The following PSD4 variants were observed in gnomAD, a reference collection of about 807,000 sequenced individuals.
PSD4 encodes the protein pleckstrin and Sec7 domain containing 4.
In PSD4, 59 loss-of-function variants were observed where a neutral mutation model predicts 112.5. That is an observed-to-expected ratio of 0.52 (90% CI 0.43 to 0.65). The LOEUF is 0.65. Among genes scored for constraint, PSD4 ranks in the 30% least tolerant of loss-of-function variants. PSD4 has a pLI of 0.00. For synonymous variants in PSD4, 533 were observed against 540.0 expected (o/e 0.99, Z 0.18); for missense variants, 1,267 against 1,352.6 (o/e 0.94, Z 0.99).
At position 113,184,990 on chromosome 2, in the gene PSD4, C is replaced by A; in HGVS notation, c.1090C>A (p.Pro364Thr). Residue 364 changes from proline to threonine, a missense_variant, in exon 3 of 17, where the codon CCG becomes ACG. Transcript: ENST00000245796. ...GCTTGGTCCTGCTCCATCTGCAGCA[C>A]CGTGTGTGGACGAAGCATTGACCTG... ...DRLGPAPSAA[P>T]CVDEALTWES... 1 of 1,614,240 alleles carries A rather than the reference C, an allele frequency of 6.2e-7. No homozygotes were observed. The highest frequency in any genetic ancestry group is 1.3e-5 in the African/African-American group (1 of 75,066).
intron 13 of PSD4, 48 bp downstream of exon 13, chr2:113,197,682 C>T: frequency 2.5e-6 from 4 of 1,613,092 alleles, no homozygotes; most frequent in Non-Finnish European, 2.5e-6. Context: ...CTGAGAGAGG[C>T]CCAGAACAGT....
At chr2:113,179,090 C>T (rs1688054514) in intron 1 of PSD4, among the ~76,000 whole-genome samples, 1 of 152,152 alleles carries the variant, frequency 6.6e-6, no homozygotes, top group African/African-American at 2.4e-5. Context: ...GGGTGAGTCA[C>T]CTCCTTGCTC....
chr2:113,186,464 C>T (rs543470763), intron 5 of PSD4, among the ~76,000 whole-genome samples: 4 of 152,316 alleles, frequency 2.6e-5, no homozygotes, highest in South Asian at 2.1e-4. Flanking sequence ...TAGTTATACA[C>T]GTGGAGGCGA....
chr2:113,196,790 C>T (rs1195365719), intron 12 of PSD4, among the ~76,000 whole-genome samples: 1 of 152,164 alleles, frequency 6.6e-6, no homozygotes, highest in South Asian at 2.1e-4. Context: ...ACAGAGAAAA[C>T]AGCAAGCCGA....
intron 10 of PSD4, among the ~76,000 whole-genome samples, chr2:113,195,030 T>C (rs1474527945): frequency 6.6e-6 from 1 of 152,238 alleles, no homozygotes; most frequent in Non-Finnish European, 1.5e-5. Flanking sequence ...TTGTGGGGAT[T>C]GGTCAGCCAG....
Position 113,202,715 on chromosome 2 carries a change from C to T in PSD4, c.*1300C>T, listed in dbSNP as rs1439708744. On this transcript the variant is annotated 3_prime_UTR_variant, in exon 17 of 17. Transcript: ENST00000245796. ...GCCAAGAGGGGGCCTCTGCTACCCG[C>T]TGCTGCCTGCCGGCTGACACACTGC... 6.5e-6 allele frequency: 1 copy of T among 152,688 alleles called. No homozygotes were observed. The highest frequency in any genetic ancestry group is 2.4e-5 in the African/African-American group (1 of 41,486). The allele number at this position is 152,688 out of a possible 1,614,324, so 9.5% of individuals were successfully genotyped here. A position where few individuals can be genotyped will look rare whatever the true frequency, so the allele number is the denominator to read the frequency against.
intron 5 of PSD4, among the ~76,000 whole-genome samples, chr2:113,188,732 C>T (rs1039987489): frequency 1.3e-5 from 2 of 152,150 alleles, no homozygotes; most frequent in East Asian, 1.9e-4. Context: ...AGGCGCCCGC[C>T]ACTGCGCCCG....
chr2:113,201,707 A>C lies in PSD4; in HGVS notation c.*292A>C. The stretch of plus-strand genomic sequence containing the variant: ...TGACTTTCCTCCCAGAGCTCAGCCC[A>C]TGTCACCCTCCAGGCCCCAGAATCC... On this transcript the variant is annotated 3_prime_UTR_variant, in exon 17 of 17. Transcript: ENST00000245796. 1 of 453,544 alleles carries C rather than the reference A, an allele frequency of 2.2e-6. No homozygotes were observed. The highest frequency in any genetic ancestry group is 2.5e-5 in the South Asian group (1 of 39,630). The allele number at this position is 453,544 out of a possible 1,614,324, so 28.1% of individuals were successfully genotyped here. A position where few individuals can be genotyped will look rare whatever the true frequency, so the allele number is the denominator to read the frequency against.
chr2:113,198,895 C>T lies in PSD4; in HGVS notation c.2769+11C>T, dbSNP rs753344518. On this transcript the variant is annotated intron_variant, in intron 15 of 16. Transcript: ENST00000245796. ...GCCCAGAGCTCCCTGGTACGGCCTCCGGGAAGGGGTGGGGTCCGGCGGAAC... is the reference window on the plus strand; with the variant it reads ...GCCCAGAGCTCCCTGGTACGGCCTCTGGGAAGGGGTGGGGTCCGGCGGAAC... The T allele has an allele frequency of 1.9e-6, 3 of 1,572,776 alleles. No homozygotes were observed. The Admixed American group carries it at 5.4e-5, about 28-fold the overall frequency.
At position 113,182,447 on chromosome 2, in the gene PSD4, T is replaced by C. The variant is rs1404962199; in HGVS notation, c.-10T>C. 2 of 1,594,760 alleles carry C rather than the reference T, an allele frequency of 1.3e-6. No individual in the cohort carries two copies. On this transcript the variant is annotated 5_prime_UTR_variant, in exon 2 of 17. Coordinates refer to ENST00000245796, the MANE Select transcript of PSD4 (RefSeq NM_012455.3). ...CTCCGGGGCACTCCTGGGCAGCTTT[T>C]GCTCAGTGGATGATGGGTGACTACA...
At chr2:113,195,580 C>A in intron 10 of PSD4, 147 bp from the exon 11 acceptor site, 1 of 633,036 alleles carries the variant, frequency 1.6e-6, no homozygotes, top group Non-Finnish European at 2.8e-6. Flanking sequence ...TGGATGGATG[C>A]TTGCTTACTC....
chr2:113,176,962 T>A (rs1329634872), intron 1 of PSD4, among the ~76,000 whole-genome samples: 1 of 152,192 alleles, frequency 6.6e-6, no homozygotes, highest in Non-Finnish European at 1.5e-5. Flanking sequence ...ATCCTACCTT[T>A]CCATTCAGGC....
Position 113,197,769 on chromosome 2 carries a change from A to AG in PSD4, c.2485dup (p.Glu829GlyfsTer10), listed in dbSNP as rs774123556. ...TAGCAGGGAGAAGACCACTGTCTGG[A>AG]GGGGGAGAGCTTGGTGGGGCAGATG... On this transcript the variant is annotated frameshift_variant, in exon 14 of 17. Coordinates refer to ENST00000245796, the MANE Select transcript of PSD4 (RefSeq NM_012455.3). LOFTEE classifies it high-confidence loss of function. 1.2e-6 allele frequency: 2 copies of AG among 1,610,180 alleles called. No individual in the cohort carries two copies. Among genetic ancestry groups the AG allele is most frequent in the African/African-American group, 2.7e-5 (2 of 74,824 alleles).
chr2:113,199,034 G>T lies in PSD4; in HGVS notation c.2770-49G>T, dbSNP rs967392827. On this transcript the variant is annotated intron_variant, in intron 15 of 16. Coordinates refer to ENST00000245796, the MANE Select transcript of PSD4 (RefSeq NM_012455.3). ...GGCGGCGCGCCCGGGCCCGGAAAGC[G>T]GCGGAGGGGACGCCCGGGACAGCGC... 6.6e-6 allele frequency: 10 copies of T among 1,512,504 alleles called. No individual in the cohort carries two copies. The African/African-American group carries it at 1.3e-4, about 19-fold the overall frequency. 93.7% of individuals were successfully genotyped at this position (1,512,504 alleles called of 1,614,324 possible).
Position 113,198,107 on chromosome 2 carries a change from T to C in PSD4, c.2624+194T>C, listed in dbSNP as rs1688663441. ...GGGATGAAGCCCAGGCATCGCCTACTTCCTCCCCATCCTTGGCCAACTTTG... is the reference window on the plus strand; with the variant it reads ...GGGATGAAGCCCAGGCATCGCCTACCTCCTCCCCATCCTTGGCCAACTTTG... On this transcript the variant is annotated intron_variant, in intron 14 of 16. Coordinates refer to ENST00000245796, the MANE Select transcript of PSD4 (RefSeq NM_012455.3). The C allele has an allele frequency of 3.0e-5, 21 of 699,514 alleles. No individual in the cohort carries two copies. In the Admixed American group the frequency reaches 7.1e-4, roughly 24 times the overall value. 43.3% of individuals were successfully genotyped at this position (699,514 alleles called of 1,614,324 possible).
At chr2:113,196,981 G>C (rs1226893395) in intron 12 of PSD4, among the ~76,000 whole-genome samples, 1 of 152,254 alleles carries the variant, frequency 6.6e-6, no homozygotes, top group African/African-American at 2.4e-5. Flanking sequence ...GGGGCGACCA[G>C]GATGGGAACT....
chr2:113,177,698 G>A (rs1021577983), intron 1 of PSD4, among the ~76,000 whole-genome samples: 4 of 152,028 alleles, frequency 2.6e-5, no homozygotes, highest in African/African-American at 9.7e-5. Flanking sequence ...CTTGTGGGTC[G>A]GAGTGGTTGA....
chr2:113,174,587 A>T (rs1348491660), intron 1 of PSD4, among the ~76,000 whole-genome samples: 2 of 152,096 alleles, frequency 1.3e-5, no homozygotes, highest in Non-Finnish European at 2.9e-5. Context: ...CTCAGAGTCA[A>T]CTTGGCCATC....
Position 113,203,404 on chromosome 2 carries a change from T to G in PSD4, c.*1989T>G, listed in dbSNP as rs191048361. Reference sequence around the variant, plus strand: ...TAAAGCTCCTTGGGTAATTCTGATGTGTAAGTAGCAGTTAGCTGCAGTAGA... The same window carrying G: ...TAAAGCTCCTTGGGTAATTCTGATGGGTAAGTAGCAGTTAGCTGCAGTAGA... On this transcript the variant is annotated 3_prime_UTR_variant, in exon 17 of 17. Coordinates refer to ENST00000245796, the MANE Select transcript of PSD4 (RefSeq NM_012455.3). The G allele has an allele frequency of 2.0e-5, 3 of 152,326 alleles. No individual in the cohort carries two copies. The East Asian group carries it at 5.8e-4, about 29-fold the overall frequency. 9.4% of individuals were successfully genotyped at this position (152,326 alleles called of 1,614,324 possible).
Sources: allele counts gnomAD v4.1 joint callset (sites outside exome capture counted in the v4.1 genomes callset), GRCh38; gene constraint gnomAD v4.1.1; transcripts MANE v1.5; gene names NCBI Gene and HGNC (gene_info 2026-07-23, HGNC 2026-07-21).